The following TMEM248 variants were observed in gnomAD, a reference collection of about 807,000 sequenced individuals.
TMEM248 encodes the protein UPF0458 protein C7orf42.
A neutral mutation model predicts 30.3 loss-of-function variants in TMEM248; 9 were observed. That is an observed-to-expected ratio of 0.30 (90% CI 0.18 to 0.52). TMEM248 has a LOEUF of 0.52. Ranked by LOEUF, TMEM248 falls within the 20% of genes least tolerant of loss-of-function variation. TMEM248 has a pLI of 0.97. For synonymous variants in TMEM248, 184 were observed against 154.4 expected (o/e 1.19, Z -1.42); for missense variants, 338 against 403.3 (o/e 0.84, Z 1.39).
chr7:66,953,528 G>A (rs1792322840), intron 6 of TMEM248, among the ~76,000 whole-genome samples, 159 bp downstream of exon 6: 1 of 152,198 alleles, frequency 6.6e-6, no homozygotes, highest in Non-Finnish European at 1.5e-5. Context: ...CAGGACCCTG[G>A]TGGATATCGA....
intron 1 of TMEM248, among the ~76,000 whole-genome samples, chr7:66,933,583 T>G (rs1268736778): frequency 6.6e-6 from 1 of 152,242 alleles, no homozygotes; most frequent in Non-Finnish European, 1.5e-5. Context: ...TCCAGAAAGT[T>G]TATAACACAG....
At chr7:66,926,477 G>T (rs1158461085) in intron 1 of TMEM248, among the ~76,000 whole-genome samples, 1 of 151,948 alleles carries the variant, frequency 6.6e-6, no homozygotes, top group Non-Finnish European at 1.5e-5. Flanking sequence ...AGAATTAGCT[G>T]GGCGTGGTGG....
In TMEM248 at chr7:66,945,157, T is replaced by C. The variant is rs770056097; in HGVS notation, c.341T>C (p.Val114Ala). The C allele has an allele frequency of 4.3e-6, 7 of 1,613,986 alleles. No homozygotes were observed. The highest frequency in any genetic ancestry group is 5.1e-6 in the Non-Finnish European group (6 of 1,180,036). ...LEDSGPVNIS[V>A]SITLTLDPLK... ...GACTCGGGCCCGGTGAATATCTCAG[T>C]CTCAATCACCCTAACCCTGGACCCA... The change falls in exon 3 of 7, where the codon GTC becomes GCC. Residue 114 changes from valine to alanine, a missense_variant. Physicochemically the swap from Val to Ala is moderately conservative, Grantham distance 64 (BLOSUM62 0). Coordinates refer to ENST00000341567, the MANE Select transcript of TMEM248 (RefSeq NM_017994.5).
rs150015640 is a variant in TMEM248 at position 66,933,603 on chromosome 7, C to T, written c.-18-8245C>T. ...AAAGTTTATAACACAGCTGTTTCCA[C>T]GCCCCTTTTTAAGGAACTTGTGTTC... is the stretch of plus-strand genomic sequence containing the variant. On this transcript the variant is annotated intron_variant, in intron 1 of 6. Coordinates refer to ENST00000341567, the MANE Select transcript of TMEM248 (RefSeq NM_017994.5). Among the ~76,000 whole-genome samples the T allele has an allele frequency of 2.2e-3, 328 of 152,268 alleles. 1 individual carries two copies. The highest frequency in any genetic ancestry group is 7.4e-3 in the African/African-American group (309 of 41,552).
At chr7:66,936,895 CT>C (rs1160805121) in intron 1 of TMEM248, among the ~76,000 whole-genome samples, 1 of 151,950 alleles carries the variant, frequency 6.6e-6, no homozygotes, top group African/African-American at 2.4e-5. Context: ...TTTCATTGAT[CT>C]TTTATATTTT....
intron 1 of TMEM248, among the ~76,000 whole-genome samples, chr7:66,939,773 C>T (rs995347931): frequency 6.6e-6 from 1 of 150,644 alleles, no homozygotes; most frequent in Non-Finnish European, 1.5e-5. Context: ...CTGAGGGTGA[C>T]CAAGGAAGGT....
chr7:66,921,678 C>T (rs1029179008), intron 1 of TMEM248, among the ~76,000 whole-genome samples: 3 of 152,230 alleles, frequency 2.0e-5, no homozygotes, highest in African/African-American at 7.2e-5. Context: ...CTCGCGTCCC[C>T]CGAGCCAGGG....
chr7:66,921,847 A>G (rs546481172), intron 1 of TMEM248: 1 of 152,374 alleles, frequency 6.6e-6, no homozygotes, highest in South Asian at 2.1e-4. Flanking sequence ...ACATCTCAGA[A>G]AGGTGGGAGG....
chr7:66,933,060 A>G (rs1230939025), intron 1 of TMEM248, among the ~76,000 whole-genome samples: 1 of 151,958 alleles, frequency 6.6e-6, no homozygotes, highest in East Asian at 1.9e-4. Context: ...GGGTTTCACC[A>G]TGTTGCCCTG....
intron 1 of TMEM248, among the ~76,000 whole-genome samples, chr7:66,938,603 G>A (rs1157267550): frequency 2.0e-5 from 3 of 152,174 alleles, no homozygotes; most frequent in Non-Finnish European, 4.4e-5. Flanking sequence ...CGCCCTCCGG[G>A]TTCAACTGAT....
intron 1 of TMEM248, among the ~76,000 whole-genome samples, chr7:66,928,680 G>A (rs1791586409): frequency 6.6e-6 from 1 of 152,164 alleles, no homozygotes; most frequent in Non-Finnish European, 1.5e-5. Flanking sequence ...CCTAGTGAAA[G>A]GGGTTTTGCT....
intron 1 of TMEM248, among the ~76,000 whole-genome samples, chr7:66,927,968 A>G (rs1337070602): frequency 6.6e-6 from 1 of 152,168 alleles, no homozygotes; most frequent in Non-Finnish European, 1.5e-5. Flanking sequence ...TAATCCCAGC[A>G]CTTTGGGAAG....
Position 66,955,645 on chromosome 7 carries a change from A to C in TMEM248, c.*123A>C. On this transcript the variant is annotated 3_prime_UTR_variant, in exon 7 of 7. Coordinates refer to ENST00000341567, the MANE Select transcript of TMEM248 (RefSeq NM_017994.5). ...TGCGATGTTGGGTTATTCCAGCCAA[A>C]GACATTTCAAGTGCCTGTAACTGAT... 1.7e-6 allele frequency: 2 copies of C among 1,180,260 alleles called. No homozygotes were observed. The highest frequency in any genetic ancestry group is 2.4e-6 in the Non-Finnish European group (2 of 818,106). 73.1% of individuals were successfully genotyped at this position (1,180,260 alleles called of 1,614,324 possible). A position where few individuals can be genotyped will look rare whatever the true frequency, so the allele number is the denominator to read the frequency against.
intron 6 of TMEM248, 140 bp downstream of exon 6, chr7:66,953,509 G>A (rs993948190): frequency 5.2e-5 from 64 of 1,223,006 alleles, no homozygotes; most frequent in Non-Finnish European, 6.5e-5. Flanking sequence ...ATCCGAGGAG[G>A]ATTGGTTCCA....
At chr7:66,942,913 G>A (rs1024313050) in intron 2 of TMEM248, among the ~76,000 whole-genome samples, 5 of 151,234 alleles carry the variant, frequency 3.3e-5, no homozygotes, top group Non-Finnish European at 5.9e-5. Context: ...CGTGGTTGCC[G>A]CATTGAGTGT....
chr7:66,929,889 A>T (rs1040722880), intron 1 of TMEM248, among the ~76,000 whole-genome samples: 5 of 152,044 alleles, frequency 3.3e-5, no homozygotes, highest in Non-Finnish European at 7.4e-5. Flanking sequence ...AGCTGGGCGC[A>T]GTGGCTCACG....
At chr7:66,931,297 C>CAAAAAA (rs758131446) in intron 1 of TMEM248, among the ~76,000 whole-genome samples, 34 of 64,150 alleles carry the variant, frequency 5.3e-4, no homozygotes, top group Admixed American at 9.3e-4. Context: ...GACAATATCT[C>CAAAAAA]AAAAAAAAAA....
At chr7:66,922,802 T>C (rs560372155) in intron 1 of TMEM248, among the ~76,000 whole-genome samples, 6 of 152,024 alleles carry the variant, frequency 3.9e-5, no homozygotes, top group African/African-American at 9.6e-5. Context: ...GCCTCCCAGG[T>C]CCAAGCAATC....
At chr7:66,929,412 GA>G (rs2129220998) in intron 1 of TMEM248, among the ~76,000 whole-genome samples, 1 of 141,796 alleles carries the variant, frequency 7.1e-6, no homozygotes, top group East Asian at 2.2e-4. Context: ...CAATATCATG[GA>G]AATGAGAGAC....
Sources: allele counts gnomAD v4.1 joint callset (sites outside exome capture counted in the v4.1 genomes callset), GRCh38; gene constraint gnomAD v4.1.1; transcripts MANE v1.5; gene names NCBI Gene and HGNC (gene_info 2026-07-23, HGNC 2026-07-21).